Variants in NETO1 observed in about 807,000 individuals in gnomAD.
NETO1 encodes the protein neuropilin and tolloid-like protein 1.
A neutral mutation model predicts 61.3 loss-of-function variants in NETO1; 26 were observed. The observed-to-expected ratio is 0.42, with a 90% CI of 0.31 to 0.59. The LOEUF is 0.59. Among genes scored for constraint, NETO1 ranks in the 20% least tolerant of loss-of-function variants. NETO1 has a pLI of 0.12. For missense variants in NETO1, 531 were observed against 662.8 expected, an observed-to-expected ratio of 0.80 and a Z score of 2.18; for synonymous variants, 225 against 225.8, an observed-to-expected ratio of 1.00 and a Z score of 0.03.
At chr18:72,759,452 G>A (rs1311968593) in intron 7 of NETO1, among the ~76,000 whole-genome samples, 1 of 151,992 alleles carries the variant, frequency 6.6e-6, no homozygotes, top group African/African-American at 2.4e-5. Context: ...CGCTCATAAT[G>A]GCTTAAGCTT....
At position 72,750,493 on chromosome 18, in the gene NETO1, T is replaced by C. The variant is rs369487628; in HGVS notation, c.1110A>G (p.Lys370=). The change falls in exon 9 of 11, where the codon AAA becomes AAG. Residue 370 remains lysine, a synonymous_variant. Transcript: ENST00000327305. ...SVIVQIKQPR[K]KYVQRKSDFD... is the part of the protein sequence containing the mutation. ...AGTCTGATTTCCTTTGGACATACTT[T>C]TTACGAGGCTGTTTGATCTGTACGA... 2 of 1,614,016 alleles carry C rather than the reference T, an allele frequency of 1.2e-6. No homozygotes were observed. Among genetic ancestry groups the C allele is most frequent in the Non-Finnish European group, 1.7e-6 (2 of 1,180,024 alleles).
At chr18:72,763,610 C>T (rs528430220) in intron 7 of NETO1, among the ~76,000 whole-genome samples, 10 of 151,758 alleles carry the variant, frequency 6.6e-5, no homozygotes, top group African/African-American at 2.2e-4. Context: ...AACACACACA[C>T]CATTCACACA....
Position 72,794,865 on chromosome 18 carries a change from G to C in NETO1, c.470-461C>G, listed in dbSNP as rs572539112. The stretch of plus-strand genomic sequence containing the variant: ...TCTGATTCAAAATATTCTGTAAAGT[G>C]TAGTAACACAGTTTTTAACTAGAAT... On this transcript the variant is annotated intron_variant, in intron 4 of 10. Transcript: ENST00000327305. Among the ~76,000 whole-genome samples, 50 of 152,298 alleles carry C rather than the reference G, an allele frequency of 3.3e-4. No homozygotes were observed. The South Asian group carries it at 0.01, about 31-fold the overall frequency.
chr18:72,793,963 A>C (rs751727882), intron 6 of NETO1, among the ~76,000 whole-genome samples, 154 bp downstream of exon 6: 28 of 152,234 alleles, frequency 1.8e-4, no homozygotes, highest in Non-Finnish European at 1.9e-4. Context: ...GGACAAGAGA[A>C]GACAAGTTAC....
intron 6 of NETO1, among the ~76,000 whole-genome samples, chr18:72,788,382 T>C (rs1258696103): frequency 1.3e-5 from 2 of 152,110 alleles, no homozygotes; most frequent in African/African-American, 2.4e-5. Context: ...CAAATTCCAT[T>C]ATCCAGAAAA....
At chr18:72,816,945 G>A (rs747662983) in intron 4 of NETO1, among the ~76,000 whole-genome samples, 3 of 152,180 alleles carry the variant, frequency 2.0e-5, no homozygotes, top group Non-Finnish European at 4.4e-5. Flanking sequence ...ACTTGTGAGA[G>A]TCTTCGAAGG....
intron 7 of NETO1, among the ~76,000 whole-genome samples, chr18:72,764,139 C>T (rs12965178): frequency 6.6e-6 from 1 of 151,898 alleles, no homozygotes; most frequent in African/African-American, 2.4e-5. Flanking sequence ...ATTTGGGTGG[C>T]GACACAGAGC....
At chr18:72,847,240 C>T (rs2074116434) in intron 4 of NETO1, among the ~76,000 whole-genome samples, 1 of 152,162 alleles carries the variant, frequency 6.6e-6, no homozygotes, top group Admixed American at 6.5e-5. Flanking sequence ...ACATGCCCTG[C>T]TGATTGTGAA....
intron 10 of NETO1, 161 bp from the exon 11 acceptor site, chr18:72,748,325 A>C: frequency 1.0e-6 from 1 of 982,578 alleles, no homozygotes; most frequent in Non-Finnish European, 1.2e-6. Context: ...AAGCAGATTC[A>C]ATTGGAGACA....
At chr18:72,829,313 A>G (rs1239881490) in intron 4 of NETO1, among the ~76,000 whole-genome samples, 1 of 152,148 alleles carries the variant, frequency 6.6e-6, no homozygotes, top group African/African-American at 2.4e-5. Context: ...CCTCAAGCTG[A>G]TCTATAGACC....
intron 4 of NETO1, among the ~76,000 whole-genome samples, chr18:72,828,503 C>A (rs981264104): frequency 1.5e-4 from 23 of 152,086 alleles, no homozygotes; most frequent in African/African-American, 5.6e-4. Flanking sequence ...ACTACAAAAA[C>A]AAAGATATTC....
intron 1 of NETO1, among the ~76,000 whole-genome samples, chr18:72,866,426 G>GA (rs566115884): frequency 3.4e-4 from 50 of 149,154 alleles, no homozygotes; most frequent in Admixed American, 1.1e-3. Flanking sequence ...GTTTCCACAG[G>GA]AAAAAAAAAA....
intron 4 of NETO1, among the ~76,000 whole-genome samples, chr18:72,850,726 T>G (rs1231127507): frequency 6.6e-6 from 1 of 152,202 alleles, no homozygotes; most frequent in African/African-American, 2.4e-5. Context: ...AATTATTTAT[T>G]TGTTTTGTTT....
intron 4 of NETO1, among the ~76,000 whole-genome samples, chr18:72,855,324 C>T (rs1159813008): frequency 6.6e-6 from 1 of 152,178 alleles, no homozygotes; most frequent in African/African-American, 2.4e-5. Context: ...GGATTTGAAC[C>T]AGCTGATTTC....
chr18:72,770,410 ATT>A (rs903648189), intron 7 of NETO1, among the ~76,000 whole-genome samples: 7 of 151,922 alleles, frequency 4.6e-5, no homozygotes, highest in African/African-American at 1.7e-4. Flanking sequence ...GAATATGGTG[ATT>A]TTTTTCTTAT....
chr18:72,842,100 T>C (rs1034254027), intron 4 of NETO1, among the ~76,000 whole-genome samples: 5 of 152,200 alleles, frequency 3.3e-5, no homozygotes, highest in African/African-American at 1.2e-4. Flanking sequence ...TTTCTGTAAG[T>C]TTAATATTAT....
At chr18:72,770,995 T>A (rs2071335488) in intron 7 of NETO1, among the ~76,000 whole-genome samples, 1 of 152,196 alleles carries the variant, frequency 6.6e-6, no homozygotes, top group Admixed American at 6.6e-5. Context: ...TAAAAAGGAT[T>A]AAAGTAAGTT....
rs146653638 is a variant in NETO1 at position 72,827,191 on chromosome 18, C to T, written c.469+31635G>A. Among the ~76,000 whole-genome samples, 1,114 of 150,318 alleles carry T rather than the reference C, an allele frequency of 7.4e-3. 10 individuals carry two copies. Among genetic ancestry groups the T allele is most frequent in the African/African-American group, 0.026 (1,066 of 40,816 alleles). On this transcript the variant is annotated intron_variant, in intron 4 of 10. Coordinates refer to ENST00000327305, the MANE Select transcript of NETO1 (RefSeq NM_138966.5). The stretch of plus-strand genomic sequence containing the variant: ...GGGTTTGCCAAATTGTATGTTTATT[C>T]CCTTTTTTATTCTGTATGTTTAATA...
At chr18:72,772,817 CTCTCTCTCTATATATA>C (rs1455272841) in intron 7 of NETO1, among the ~76,000 whole-genome samples, 19 of 54,278 alleles carry the variant, frequency 3.5e-4, no homozygotes, top group Non-Finnish European at 5.4e-4. Context: ...CTCTCTCTCT[CTCTCTCTCTATATATA>C]TATATATATA....
Sources: allele counts gnomAD v4.1 joint callset (sites outside exome capture counted in the v4.1 genomes callset), GRCh38; gene constraint gnomAD v4.1.1; transcripts MANE v1.5; gene names NCBI Gene and HGNC (gene_info 2026-07-23, HGNC 2026-07-21).